Variants in KCNH7 observed in about 807,000 individuals in gnomAD.
The protein encoded by KCNH7 is potassium voltage-gated channel subfamily H member 7.
Under a neutral mutation model 120.8 loss-of-function variants are expected in KCNH7, and 49 were observed. The observed-to-expected ratio is 0.41, with a 90% CI of 0.32 to 0.51. The LOEUF (loss-of-function observed/expected upper bound fraction) is 0.51. KCNH7 is among the 20% of genes least tolerant of loss of function. The pLI is 0.38. For synonymous variants in KCNH7, 547 were observed against 516.1 expected (o/e 1.06, Z -0.81); for missense variants, 1,097 against 1,446.6 (o/e 0.76, Z 3.92).
chr2:162,427,319 C>T (rs1196045621), intron 8 of KCNH7, among the ~76,000 whole-genome samples: 1 of 152,072 alleles, frequency 6.6e-6, no homozygotes, highest in Non-Finnish European at 1.5e-5. Flanking sequence ...TATCATTTTA[C>T]ATTCTCCCCA....
At chr2:162,542,401 T>TC (rs1281348404) in intron 2 of KCNH7, among the ~76,000 whole-genome samples, 1 of 45,332 alleles carries the variant, frequency 2.2e-5, no homozygotes, top group Non-Finnish European at 4.1e-5. Context: ...CCCTCCCCCC[T>TC]CCCCCCACCC....
intron 2 of KCNH7, among the ~76,000 whole-genome samples, chr2:162,640,295 G>T (rs1684105545): frequency 6.6e-6 from 1 of 152,108 alleles, no homozygotes; most frequent in African/African-American, 2.4e-5. Context: ...ATGATTTCAA[G>T]ACTTATAACA....
At chr2:162,489,215 T>A (rs1387104788) in intron 6 of KCNH7, among the ~76,000 whole-genome samples, 2 of 152,182 alleles carry the variant, frequency 1.3e-5, no homozygotes, top group African/African-American at 4.8e-5. Flanking sequence ...ACAACATGCT[T>A]GAAGTAGTCA....
At chr2:162,525,233 G>A (rs1180125129) in intron 3 of KCNH7, among the ~76,000 whole-genome samples, 1 of 151,972 alleles carries the variant, frequency 6.6e-6, no homozygotes, top group African/African-American at 2.4e-5. Flanking sequence ...GAATCTGTAA[G>A]TTATGAGTTA....
chr2:162,636,422 T>C (rs1380049394), intron 2 of KCNH7, among the ~76,000 whole-genome samples: 1 of 152,130 alleles, frequency 6.6e-6, no homozygotes, highest in African/African-American at 2.4e-5. Flanking sequence ...TGCTTCCTGC[T>C]AGCTGTTGGA....
intron 2 of KCNH7, among the ~76,000 whole-genome samples, chr2:162,800,911 T>C (rs1684317819): frequency 6.6e-6 from 1 of 151,900 alleles, no homozygotes; most frequent in Admixed American, 6.6e-5. Flanking sequence ...GGGTAGTATT[T>C]AGAAAAACAG....
At chr2:162,512,703 G>C (rs558362084) in intron 4 of KCNH7, 29 bp from the exon 5 acceptor site, 5 of 1,584,764 alleles carry the variant, frequency 3.2e-6, no homozygotes, top group African/African-American at 1.4e-5. Context: ...GATAAAAAAA[G>C]AGAAATATAA....
At position 162,658,279 on chromosome 2, in the gene KCNH7, CT is replaced by C. The variant is rs1386390673; in HGVS notation, c.308-121200del. Among the ~76,000 whole-genome samples, 6 of 151,788 alleles carry C rather than the reference CT, an allele frequency of 4.0e-5. No homozygotes were observed. The South Asian group carries it at 6.2e-4, about 16-fold the overall frequency. On this transcript the variant is annotated intron_variant, in intron 2 of 15. Transcript: ENST00000332142. ...TTTCTCCATCATATTGTTTTTGCTC[CT>C]TTGTTAAAGGATAGGTGACTATATT...
chr2:162,487,473 G>A (rs1690139915), intron 6 of KCNH7, among the ~76,000 whole-genome samples: 1 of 152,010 alleles, frequency 6.6e-6, no homozygotes, highest in East Asian at 1.9e-4. Context: ...TTTGGTGGGG[G>A]GTGAGTGGGG....
chr2:162,429,667 C>T lies in KCNH7; in HGVS notation c.1954+5531G>A, dbSNP rs1688001799. Among the ~76,000 whole-genome samples the T allele has an allele frequency of 2.0e-5, 3 of 150,520 alleles. No individual in the cohort carries two copies. In the South Asian group the frequency reaches 6.2e-4, roughly 31 times the overall value. ...ATTGTTCTAATAAGAAATCTATCAA[C>T]ATTATCTTTTTCCTTTGTATATGAT... On this transcript the variant is annotated intron_variant, in intron 8 of 15. Coordinates refer to ENST00000332142, the MANE Select transcript of KCNH7 (RefSeq NM_033272.4).
At chr2:162,388,352 C>T (rs1686640732) in intron 12 of KCNH7, among the ~76,000 whole-genome samples, 1 of 150,504 alleles carries the variant, frequency 6.6e-6, no homozygotes, top group Non-Finnish European at 1.5e-5. Context: ...AATGTTCTCC[C>T]CACATAAACA....
chr2:162,372,365 T>C (rs556175532), intron 15 of KCNH7, among the ~76,000 whole-genome samples: 12 of 152,212 alleles, frequency 7.9e-5, no homozygotes, highest in African/African-American at 2.4e-4. Flanking sequence ...TTATTTTACA[T>C]TGAGTTTTCC....
chr2:162,395,971 T>G (rs1686901981), intron 11 of KCNH7, among the ~76,000 whole-genome samples: 1 of 151,728 alleles, frequency 6.6e-6, no homozygotes, highest in Admixed American at 6.6e-5. Context: ...TAAAAAAGCA[T>G]TTAGAATTAG....
intron 2 of KCNH7, among the ~76,000 whole-genome samples, chr2:162,753,031 ACCC>A (rs1559116581): frequency 5.5e-5 from 7 of 127,840 alleles, no homozygotes; most frequent in Admixed American, 7.7e-5. Flanking sequence ...AAGAAAAGAA[ACCC>A]TGACTAATAA....
At chr2:162,402,757 CT>C (rs1181894917) in intron 9 of KCNH7, among the ~76,000 whole-genome samples, 2 of 151,724 alleles carry the variant, frequency 1.3e-5, no homozygotes, top group African/African-American at 2.4e-5. Flanking sequence ...CTTAAGTATC[CT>C]TAAGTAAAAC....
At chr2:162,645,643 A>G (rs144930348) in intron 2 of KCNH7, among the ~76,000 whole-genome samples, 1 of 152,306 alleles carries the variant, frequency 6.6e-6, no homozygotes, top group East Asian at 1.9e-4. Context: ...TTTTTAGGTT[A>G]TAAACCATGT....
At chr2:162,512,551 C>G in intron 5 of KCNH7, 103 bp downstream of exon 5, 2 of 947,432 alleles carry the variant, frequency 2.1e-6, no homozygotes, top group South Asian at 3.1e-5. Context: ...CTAAGGGCAG[C>G]ATGAAGATGT....
intron 6 of KCNH7, among the ~76,000 whole-genome samples, chr2:162,457,006 G>C (rs577699862): frequency 5.3e-5 from 8 of 151,928 alleles, no homozygotes; most frequent in African/African-American, 1.7e-4. Context: ...GTTTGAATTG[G>C]TCAATTTTAA....
At chr2:162,473,112 C>T (rs990634114) in intron 6 of KCNH7, among the ~76,000 whole-genome samples, 1 of 151,956 alleles carries the variant, frequency 6.6e-6, no homozygotes, top group East Asian at 1.9e-4. Flanking sequence ...AGGAGATATA[C>T]CTAATGTAAA....
Sources: allele counts gnomAD v4.1 joint callset (sites outside exome capture counted in the v4.1 genomes callset), GRCh38; gene constraint gnomAD v4.1.1; transcripts MANE v1.5; gene names NCBI Gene and HGNC (gene_info 2026-07-23, HGNC 2026-07-21).